KCNA4: variants seen among roughly 807,000 people sequenced by gnomAD.
KCNA4 encodes cardiac potassium channel.
Under a neutral mutation model 37.2 loss-of-function variants are expected in KCNA4, and 5 were observed. The ratio of observed to expected loss-of-function variants is 0.13; its 90% CI spans 0.07 to 0.28. KCNA4 has a LOEUF of 0.28. Ranked by LOEUF, KCNA4 falls within the 10% of genes least tolerant of loss-of-function variation. KCNA4 has a pLI of 1.00. For missense variants in KCNA4, 634 were observed against 817.4 expected (o/e 0.78, Z 2.74); for synonymous variants, 350 against 311.8 (o/e 1.12, Z -1.29).
In KCNA4 at chr11:30,009,926, TCA is replaced by T. The variant is rs753254782; in HGVS notation, c.*789_*790del. ...ATTGAACTGTTACATTAGTAAACAT[TCA>T]CAGTTTGAAGTCTCTCTCAATCTCC... is the stretch of plus-strand genomic sequence containing the variant. On this transcript the variant is annotated 3_prime_UTR_variant, in exon 2 of 2. Transcript: ENST00000328224. The T allele has an allele frequency of 3.9e-5, 6 of 152,284 alleles. No homozygotes were observed. Among genetic ancestry groups the T allele is most frequent in the Non-Finnish European group, 5.9e-5 (4 of 67,988 alleles). 9.4% of individuals were successfully genotyped at this position (152,284 alleles called of 1,614,324 possible).
At chr11:30,015,184 A>T (rs1850339966) in intron 1 of KCNA4, among the ~76,000 whole-genome samples, 1 of 152,068 alleles carries the variant, frequency 6.6e-6, no homozygotes, top group Non-Finnish European at 1.5e-5. Context: ...TCCTAACATC[A>T]TCTCATACTC....
chr11:30,011,778 C>G lies in KCNA4; in HGVS notation c.901G>C (p.Glu301Gln). The G allele has an allele frequency of 6.2e-7, 1 of 1,614,030 alleles. No individual in the cohort carries two copies. The highest frequency in any genetic ancestry group is 8.5e-7 in the Non-Finnish European group (1 of 1,179,972). The change falls in exon 2 of 2, where the codon GAG becomes CAG. Residue 301 changes from glutamate (E) to glutamine (Q), a missense_variant. Physicochemically the swap from Glu to Gln is conservative, Grantham distance 29. Around this residue, in one of 8 missense-constraint regions of KCNA4, gnomAD observed 252 missense variants for 344.2 expected, o/e 0.73. Transcript: ENST00000328224. The surrounding 1 kb of genome is among the most constrained non-coding windows in gnomAD (Gnocchi z 5.6). The part of the protein sequence containing the change: ...KQIWLLFEYP[E>Q]SSSPARGIAI... ...ATGCCCCTTGCAGGACTGGAGCTCT[C>G]TGGATATTCAAAGAGGAGCCAAATC... is the stretch of plus-strand genomic sequence containing the variant.
Position 30,010,453 on chromosome 11 carries a change from T to A in KCNA4, c.*264A>T. ...TCTCTCTCCATCTTTACTGTTAACA[T>A]CTTTTCCAGTTAATGTGCAAAATTC... On this transcript the variant is annotated 3_prime_UTR_variant, in exon 2 of 2. Transcript: ENST00000328224. 1 of 494,296 alleles carries A rather than the reference T, an allele frequency of 2.0e-6. No homozygotes were observed. 30.6% of individuals were successfully genotyped at this position (494,296 alleles called of 1,614,324 possible). A position where few individuals can be genotyped will look rare whatever the true frequency, so the allele number is the denominator to read the frequency against.
At position 30,012,237 on chromosome 11, in the gene KCNA4, C is replaced by A; in HGVS notation, c.442G>T (p.Gly148Cys). ...GRFYYSEDDH[G>C]DECSYTDLLP... is the part of the protein sequence containing the mutation. ...AGATCCGTGTAGGAACACTCATCAC[C>A]ATGGTCATCTTCACTATAGTAAAAC... Residue 148 changes from glycine to cysteine, a missense_variant, in exon 2 of 2, where the codon GGT (glycine) becomes TGT (cysteine). This residue lies in a region of KCNA4 where 236 missense variants were observed against 229.5 expected (regional missense o/e 1.03). Coordinates refer to ENST00000328224, the MANE Select transcript of KCNA4 (RefSeq NM_002233.4). The A allele has an allele frequency of 6.2e-7, 1 of 1,614,144 alleles. No homozygotes were observed. The highest frequency in any genetic ancestry group is 2.2e-5 in the East Asian group (1 of 44,864).
rs750319214 is a variant in KCNA4 at position 30,011,743 on chromosome 11, C to T, written c.936G>A (p.Val312=). The T allele has an allele frequency of 6.2e-7, 1 of 1,614,104 alleles. No homozygotes were observed. Among genetic ancestry groups the T allele is most frequent in the East Asian group, 2.2e-5 (1 of 44,860 alleles). ...TGGAGATTAAGATGACCAGGACGGA[C>T]ACAATGGCTATGCCCCTTGCAGGAC... is the stretch of plus-strand genomic sequence containing the variant. The part of the protein sequence containing the change: ...SSSPARGIAI[V]SVLVILISIV... The change falls in exon 2 of 2, where the codon GTG becomes GTA. Residue 312 remains valine (V), a synonymous_variant. Transcript: ENST00000328224. The surrounding 1 kb of genome is among the most constrained non-coding windows in gnomAD (Gnocchi z 5.6).
At chr11:30,014,614 C>G (rs1038802451) in intron 1 of KCNA4, among the ~76,000 whole-genome samples, 1 of 151,894 alleles carries the variant, frequency 6.6e-6, no homozygotes, top group Non-Finnish European at 1.5e-5. Context: ...CAATCTCACA[C>G]TTCTGAATTG....
Position 30,012,861 on chromosome 11 carries a change from T to G in KCNA4, c.-183A>C, listed in dbSNP as rs1850320363. ...TTTTAAATCAGCACGCCCCATGCTC[T>G]CTCTTCTCAGGGATTCAACATTGCT... On this transcript the variant is annotated 5_prime_UTR_variant, in exon 2 of 2. Coordinates refer to ENST00000328224, the MANE Select transcript of KCNA4 (RefSeq NM_002233.4). 1.2e-6 allele frequency: 1 copy of G among 805,412 alleles called. No individual in the cohort carries two copies. The highest frequency in any genetic ancestry group is 3.7e-5 in the Admixed American group (1 of 27,366). 49.9% of individuals were successfully genotyped at this position (805,412 alleles called of 1,614,324 possible).
rs1210166938 is a variant in KCNA4, at chr11:30,012,255, A to C, written c.424T>G (p.Tyr142Asp). 6 of 1,613,924 alleles carry C rather than the reference A, an allele frequency of 3.7e-6. No homozygotes were observed. Among genetic ancestry groups the C allele is most frequent in the Non-Finnish European group, 5.1e-6 (6 of 1,180,024 alleles). The part of the protein sequence containing the change: ...EEEEEEGRFY[Y>D]SEDDHGDECS... ...TCATCACCATGGTCATCTTCACTAT[A>C]GTAAAACCTTCCCTCCTCTTCCTCC... Residue 142 changes from tyrosine (Y) to aspartate (D), a missense_variant, in exon 2 of 2, where the codon TAT becomes GAT. By Grantham distance (160) the Tyr-to-Asp change is radical. Around this residue, in one of 8 missense-constraint regions of KCNA4, gnomAD observed 236 missense variants for 229.5 expected, o/e 1.03. Coordinates refer to ENST00000328224, the MANE Select transcript of KCNA4 (RefSeq NM_002233.4).
Position 30,012,499 on chromosome 11 carries a change from G to T in KCNA4, c.180C>A (p.Gly60=), listed in dbSNP as rs754875649. The T allele has an allele frequency of 2.5e-6, 4 of 1,609,612 alleles. No homozygotes were observed. The highest frequency in any genetic ancestry group is 3.4e-6 in the Non-Finnish European group (4 of 1,179,824). The stretch of plus-strand genomic sequence containing the variant: ...CGCGTGACTGGTGGTGGTGGTGGGA[G>T]CCCCCACCAGAACCCCCGCTACCTT... ...AVEGSGGSGG[G]SHHHHQSRGA... Residue 60 remains glycine, a synonymous_variant, in exon 2 of 2, where the codon GGC becomes GGA. Transcript: ENST00000328224.
At position 30,013,008 on chromosome 11, in the gene KCNA4, C is replaced by A. The variant is rs1471304532; in HGVS notation, c.-330G>T. 1.7e-5 allele frequency: 4 copies of A among 232,320 alleles called. No homozygotes were observed. 14.4% of individuals were successfully genotyped at this position (232,320 alleles called of 1,614,324 possible). On this transcript the variant is annotated 5_prime_UTR_variant, in exon 2 of 2. Coordinates refer to ENST00000328224, the MANE Select transcript of KCNA4 (RefSeq NM_002233.4). The stretch of plus-strand genomic sequence containing the variant: ...TAGATGTTGAAATTTGGAAATATGT[C>A]TGGGATGTGGTTAGTGATGTTGCTG...
Position 30,012,593 on chromosome 11 carries a change from T to C in KCNA4, c.86A>G (p.Glu29Gly), listed in dbSNP as rs1371144415. 5.0e-6 allele frequency: 8 copies of C among 1,607,724 alleles called. No individual in the cohort carries two copies. The highest frequency in any genetic ancestry group is 5.9e-6 in the Non-Finnish European group (7 of 1,179,550). The change falls in exon 2 of 2, where the codon GAG (glutamate) becomes GGG (glycine). Residue 29 changes from glutamate (E) to glycine (G), a missense_variant. Glu to Gly is a moderately conservative substitution (Grantham distance 98). This residue lies in a region of KCNA4 where 236 missense variants were observed against 229.5 expected (regional missense o/e 1.03). Coordinates refer to ENST00000328224, the MANE Select transcript of KCNA4 (RefSeq NM_002233.4). ...CCTGGAGTGAGCAAGCCTCTCCCGC[T>C]CCCGGGCCCGGGCCTGGGCAGCATA... ...YGYAAQARAR[E>G]RERLAHSRAA...
At chr11:30,014,561 C>T (rs2133456239) in intron 1 of KCNA4, among the ~76,000 whole-genome samples, 1 of 151,310 alleles carries the variant, frequency 6.6e-6, no homozygotes, top group Admixed American at 6.6e-5. Flanking sequence ...TCCCTAACAT[C>T]CCCCCTCCTC....
chr11:30,015,589 C>T (rs1276071238), intron 1 of KCNA4, among the ~76,000 whole-genome samples: 1 of 152,152 alleles, frequency 6.6e-6, no homozygotes, highest in Admixed American at 6.5e-5. Context: ...CTCCTCCACC[C>T]TACAAGTAGC....
At position 30,009,822 on chromosome 11, in the gene KCNA4, T is replaced by G. The variant is rs570602612; in HGVS notation, c.*895A>C. The G allele has an allele frequency of 6.6e-6, 1 of 152,300 alleles. No homozygotes were observed. Among genetic ancestry groups the G allele is most frequent in the South Asian group, 2.1e-4 (1 of 4,830 alleles). 9.4% of individuals were successfully genotyped at this position (152,300 alleles called of 1,614,324 possible). ...AAGAGGAGAGAATCCTGTGATGTTA[T>G]CTGCATGATCATTAGTCTCACACAA... On this transcript the variant is annotated 3_prime_UTR_variant, in exon 2 of 2. Transcript: ENST00000328224.
Position 30,011,036 on chromosome 11 carries a change from C to A in KCNA4, c.1643G>T (p.Gly548Val). ...CACTGGCAAAGCAATGGTTAAGACA[C>A]CCGCAATGGCACACAGGGACCCGAC... is the stretch of plus-strand genomic sequence containing the variant. ...KIVGSLCAIAGVLTIALPVPV... is the reference protein window; with the variant it reads ...KIVGSLCAIAVVLTIALPVPV... Residue 548 changes from glycine to valine, a missense_variant, in exon 2 of 2, where the codon GGT becomes GTT. Gly to Val is a moderately radical substitution (Grantham distance 109). Coordinates refer to ENST00000328224, the MANE Select transcript of KCNA4 (RefSeq NM_002233.4). This position sits in a 1 kb window ranked among gnomAD's most constrained non-coding sequence, Gnocchi z 5.6. 6.2e-7 allele frequency: 1 copy of A among 1,614,180 alleles called. No homozygotes were observed. The highest frequency in any genetic ancestry group is 8.5e-7 in the Non-Finnish European group (1 of 1,180,038).
rs1266484386 is a variant in KCNA4 at position 30,010,589 on chromosome 11, AT to A, written c.*127del. On this transcript the variant is annotated 3_prime_UTR_variant, in exon 2 of 2. Transcript: ENST00000328224. ...AAGTTTAGTAACAATTATGCCATGT[AT>A]AACCATTAAATAGTGTACTACTGTA... 7.5e-7 allele frequency: 1 copy of A among 1,340,556 alleles called. No individual in the cohort carries two copies. Among genetic ancestry groups the A allele is most frequent in the Admixed American group, 3.2e-5 (1 of 31,618 alleles). 83.0% of individuals were successfully genotyped at this position (1,340,556 alleles called of 1,614,324 possible).
In KCNA4 at chr11:30,010,632, C is replaced by T; in HGVS notation, c.*85G>A. On this transcript the variant is annotated 3_prime_UTR_variant, in exon 2 of 2. Coordinates refer to ENST00000328224, the MANE Select transcript of KCNA4 (RefSeq NM_002233.4). ...ACTACTGTATGCATTGGATCATTTG[C>T]ATATTTCATTTTCATAACTGCACTC... is the stretch of plus-strand genomic sequence containing the variant. 6.6e-7 allele frequency: 1 copy of T among 1,520,088 alleles called. No homozygotes were observed. 94.2% of individuals were successfully genotyped at this position (1,520,088 alleles called of 1,614,324 possible). A position where few individuals can be genotyped will look rare whatever the true frequency, so the allele number is the denominator to read the frequency against.
chr11:30,013,827 T>G (rs935764587), intron 1 of KCNA4, among the ~76,000 whole-genome samples: 1 of 152,246 alleles, frequency 6.6e-6, no homozygotes, highest in Non-Finnish European at 1.5e-5. Context: ...TTACAGCTGC[T>G]TCCATCATTC....
chr11:30,012,531 C>T lies in KCNA4; in HGVS notation c.148G>A (p.Ala50Thr). Residue 50 changes from alanine (A) to threonine (T), a missense_variant, in exon 2 of 2, where the codon GCT becomes ACT. Around this residue, in one of 8 missense-constraint regions of KCNA4, gnomAD observed 236 missense variants for 229.5 expected, o/e 1.03. Coordinates refer to ENST00000328224, the MANE Select transcript of KCNA4 (RefSeq NM_002233.4). Reference sequence around the variant, plus strand: ...CCAGAACCCCCGCTACCTTCGACAGCAGCTGTGGCCGCTGCAACAGCAGCT... The same window carrying T: ...CCAGAACCCCCGCTACCTTCGACAGTAGCTGTGGCCGCTGCAACAGCAGCT... ...AAAAVAAATA[A>T]VEGSGGSGGG... The T allele has an allele frequency of 6.2e-7, 1 of 1,608,538 alleles. No individual in the cohort carries two copies. Among genetic ancestry groups the T allele is most frequent in the Non-Finnish European group, 8.5e-7 (1 of 1,179,952 alleles).
Sources: gnomAD v4.1 joint callset for allele counts (sites outside exome capture counted in the v4.1 genomes callset) on GRCh38, gnomAD v4.1.1 for gene constraint, gnomAD v4.1.1 regional missense constraint, Gnocchi (gnomAD v3.1) non-coding constraint, MANE v1.5 for transcripts, NCBI Gene and HGNC (gene_info 2026-07-23, HGNC 2026-07-21) for gene names.